The following FERMT2 variants were observed in gnomAD, a reference collection of about 807,000 sequenced individuals.
The protein encoded by FERMT2 is fermitin family homolog 2.
Under a neutral mutation model 82.7 loss-of-function variants are expected in FERMT2, and 15 were observed. The observed-to-expected ratio is 0.18, with a 90% CI of 0.12 to 0.28. The LOEUF is 0.28. Among genes scored for constraint, FERMT2 ranks in the 10% least tolerant of loss-of-function variants. The pLI, the probability that FERMT2 is intolerant of heterozygous loss-of-function variation, is 1.00. For synonymous variants in FERMT2, 274 were observed against 271.5 expected, an observed-to-expected ratio of 1.01 and a Z score of -0.09; for missense variants, 645 against 809.4, an observed-to-expected ratio of 0.80 and a Z score of 2.46.
intron 3 of FERMT2, among the ~76,000 whole-genome samples, chr14:52,909,886 C>A (rs1268098055): frequency 6.6e-6 from 1 of 151,980 alleles, no homozygotes; most frequent in Non-Finnish European, 1.5e-5. Context: ...AACCCTGTCT[C>A]TACTAAAAAT....
chr14:52,950,650 G>C, intron 1 of FERMT2, 73 bp from the exon 2 acceptor site: 4 of 1,495,598 alleles, frequency 2.7e-6, no homozygotes, highest in Non-Finnish European at 3.7e-6. Context: ...CGAATTCGCA[G>C]CGCCGGCCAC....
chr14:52,867,573 A>G (rs904494672), intron 10 of FERMT2, among the ~76,000 whole-genome samples: 3 of 151,938 alleles, frequency 2.0e-5, no homozygotes, highest in African/African-American at 7.3e-5. Context: ...GTCTTCTCAC[A>G]TTACAGACAA....
At chr14:52,901,567 C>G (rs980726663) in intron 3 of FERMT2, among the ~76,000 whole-genome samples, 1 of 152,094 alleles carries the variant, frequency 6.6e-6, no homozygotes, top group Non-Finnish European at 1.5e-5. Flanking sequence ...AGAGATGAGA[C>G]AGAAGGAGTG....
intron 10 of FERMT2, among the ~76,000 whole-genome samples, chr14:52,867,370 C>A (rs954849706): frequency 2.0e-5 from 3 of 152,170 alleles, no homozygotes; most frequent in Non-Finnish European, 2.9e-5. Flanking sequence ...GCCTAACTAC[C>A]TTACTTTACT....
At chr14:52,868,307 A>G (rs1168916101) in intron 10 of FERMT2, among the ~76,000 whole-genome samples, 1 of 151,140 alleles carries the variant, frequency 6.6e-6, no homozygotes, top group African/African-American at 2.4e-5. Flanking sequence ...CAGCCTCCTG[A>G]GTAGCTGGGA....
chr14:52,922,507 T>C (rs903172394), intron 2 of FERMT2, among the ~76,000 whole-genome samples: 4 of 151,890 alleles, frequency 2.6e-5, no homozygotes, highest in Admixed American at 6.6e-5. Context: ...GCTGTTTTAT[T>C]GTAGAAGCAG....
chr14:52,878,789 T>C, intron 6 of FERMT2, 100 bp from the exon 7 acceptor site: 1 of 565,794 alleles, frequency 1.8e-6, no homozygotes, highest in East Asian at 3.2e-5. Context: ...TAATGCTTTT[T>C]TTCCTGGGAT....
chr14:52,905,812 G>A (rs1887973384), intron 3 of FERMT2, among the ~76,000 whole-genome samples: 2 of 152,138 alleles, frequency 1.3e-5, no homozygotes, highest in African/African-American at 4.8e-5. Flanking sequence ...AGCATGTTCA[G>A]TTTAAAATTT....
At chr14:52,870,586 C>T (rs965872239) in intron 10 of FERMT2, among the ~76,000 whole-genome samples, 1 of 152,150 alleles carries the variant, frequency 6.6e-6, no homozygotes, top group African/African-American at 2.4e-5. Flanking sequence ...GTTTAGATAA[C>T]AAATACTTAC....
rs1442892186 is a variant in FERMT2, at chr14:52,858,535, C to CA, written c.1884dup (p.Ala629CysfsTer3). On this transcript the variant is annotated frameshift_variant, in exon 15 of 15. Coordinates refer to ENST00000341590, the MANE Select transcript of FERMT2 (RefSeq NM_006832.3). LOFTEE classifies it high-confidence loss of function. ...ATGAAGGACAATCGTACTTCATCTGCAAACTCTACGGTGACCTGGAACAAA... is the reference window on the plus strand; with the variant it reads ...ATGAAGGACAATCGTACTTCATCTGCAAAACTCTACGGTGACCTGGAACAAA... 6.2e-7 allele frequency: 1 copy of CA among 1,613,968 alleles called. No homozygotes were observed. The highest frequency in any genetic ancestry group is 8.5e-7 in the Non-Finnish European group (1 of 1,179,968).
In FERMT2 at chr14:52,881,484, GA is replaced by G; in HGVS notation, c.527-16del. On this transcript the variant is annotated splice_polypyrimidine_tract_variant and intron_variant, in intron 4 of 14. Transcript: ENST00000341590. ...ATATATACTTCCTAATAAGTAACAT[GA>G]AAAACAGGTAGTAAGTATGCAGTAC... 6.5e-7 allele frequency: 1 copy of G among 1,541,886 alleles called. No individual in the cohort carries two copies. Among genetic ancestry groups the G allele is most frequent in the Non-Finnish European group, 9.0e-7 (1 of 1,116,792 alleles).
chr14:52,860,402 T>C lies in FERMT2; in HGVS notation c.1666A>G (p.Met556Val). The C allele has an allele frequency of 6.2e-7, 1 of 1,613,438 alleles. No homozygotes were observed. Among genetic ancestry groups the C allele is most frequent in the Non-Finnish European group, 8.5e-7 (1 of 1,179,432 alleles). The change falls in exon 13 of 15, where the codon ATG becomes GTG. Residue 556 changes from methionine to valine, a missense_variant. Physicochemically the swap from Met to Val is conservative, Grantham distance 21. Coordinates refer to ENST00000341590, the MANE Select transcript of FERMT2 (RefSeq NM_006832.3). ...GACTGCCAAGCTTGAATAAATCTCATCTTGGCTTCAATTAGACTCATCTGA... is the reference window on the plus strand; with the variant it reads ...GACTGCCAAGCTTGAATAAATCTCACCTTGGCTTCAATTAGACTCATCTGA... Reference protein sequence around the residue: ...VAQMSLIEAKMRFIQAWQSLP... With the variant: ...VAQMSLIEAKVRFIQAWQSLP...
chr14:52,872,202 A>C (rs1168565690), intron 10 of FERMT2: 1 of 152,578 alleles, frequency 6.6e-6, no homozygotes, highest in Non-Finnish European at 1.5e-5. Context: ...GAATAAGGAA[A>C]CTCTAAATGT....
At chr14:52,881,171 C>G (rs905770883) in intron 5 of FERMT2, 33 bp from the exon 6 acceptor site, 1 of 1,595,374 alleles carries the variant, frequency 6.3e-7, no homozygotes. Context: ...AACAAAACAA[C>G]ACAGAATGAA....
At chr14:52,869,475 G>A (rs1245040851) in intron 10 of FERMT2, among the ~76,000 whole-genome samples, 1 of 152,052 alleles carries the variant, frequency 6.6e-6, no homozygotes, top group East Asian at 1.9e-4. Context: ...GGTAAACAAC[G>A]AACTGCATAT....
At chr14:52,899,002 T>C (rs949442922) in intron 3 of FERMT2, among the ~76,000 whole-genome samples, 19 of 152,188 alleles carry the variant, frequency 1.2e-4, no homozygotes, top group African/African-American at 4.1e-4. Flanking sequence ...GTATTTTTGT[T>C]CCTAGGTCAT....
chr14:52,859,807 A>T (rs993672991), intron 13 of FERMT2, 93 bp from the exon 14 acceptor site: 8 of 697,234 alleles, frequency 1.1e-5, no homozygotes, highest in Non-Finnish European at 1.5e-5. Flanking sequence ...TCTAACCCTA[A>T]AAGAGTACTA....
chr14:52,942,311 T>TC (rs1464441704), intron 2 of FERMT2, among the ~76,000 whole-genome samples: 1 of 150,744 alleles, frequency 6.6e-6, no homozygotes, highest in Non-Finnish European at 1.5e-5. Flanking sequence ...TTTTTCTTTT[T>TC]TTTTTTTTTG....
In FERMT2 at chr14:52,892,007, A is replaced by C. The variant is rs1050719061; in HGVS notation, c.526+1286T>G. On this transcript the variant is annotated intron_variant, in intron 4 of 14. Coordinates refer to ENST00000341590, the MANE Select transcript of FERMT2 (RefSeq NM_006832.3). The stretch of plus-strand genomic sequence containing the variant: ...CACAGTATAACAATACCAAACACAG[A>C]AAAGTCTGCTGACTCATGACAGAAA... Among the ~76,000 whole-genome samples, 4 of 152,114 alleles carry C rather than the reference A, an allele frequency of 2.6e-5. No individual in the cohort carries two copies. The East Asian group carries it at 7.7e-4, about 29-fold the overall frequency.
Sources: gnomAD v4.1 joint callset for allele counts (sites outside exome capture counted in the v4.1 genomes callset) on GRCh38, gnomAD v4.1.1 for gene constraint, MANE v1.5 for transcripts, NCBI Gene and HGNC (gene_info 2026-07-23, HGNC 2026-07-21) for gene names.